The following UBE2U variants were observed in gnomAD, a reference collection of about 807,000 sequenced individuals.
UBE2U encodes the protein ubiquitin-conjugating enzyme E2 U.
In UBE2U, 39 loss-of-function variants were observed where a neutral mutation model predicts 41.2. The ratio of observed to expected loss-of-function variants is 0.95; its 90% CI spans 0.73 to 1.24. The LOEUF (loss-of-function observed/expected upper bound fraction) is 1.24. UBE2U is among the 50% of genes most tolerant of loss of function. The pLI, the probability that UBE2U is intolerant of heterozygous loss-of-function variation, is 0.00. For synonymous variants in UBE2U, 107 were observed against 117.8 expected (o/e 0.91, Z 0.60); for missense variants, 336 against 363.1 (o/e 0.93, Z 0.61).
intron 8 of UBE2U, among the ~76,000 whole-genome samples, chr1:64,242,508 G>A (rs1644852756): frequency 6.6e-6 from 1 of 152,080 alleles, no homozygotes; most frequent in African/African-American, 2.4e-5. Flanking sequence ...TTAACCAAGT[G>A]CCCTCTTTTC....
intron 8 of UBE2U, among the ~76,000 whole-genome samples, chr1:64,256,125 C>A (rs1645086914): frequency 6.6e-6 from 1 of 152,074 alleles, no homozygotes; most frequent in South Asian, 2.1e-4. Context: ...TCAGAGGACA[C>A]AAACAAATGG....
At chr1:64,211,033 A>G (rs1207325962) in intron 4 of UBE2U, among the ~76,000 whole-genome samples, 194 bp downstream of exon 4, 1 of 152,234 alleles carries the variant, frequency 6.6e-6, no homozygotes, top group Non-Finnish European at 1.5e-5. Context: ...TTAAAGTGAA[A>G]TTGATAGTTA....
intron 6 of UBE2U, among the ~76,000 whole-genome samples, chr1:64,221,641 C>T (rs182998427): frequency 9.0e-4 from 137 of 152,284 alleles, no homozygotes; most frequent in African/African-American, 3.2e-3. Context: ...AACACACATA[C>T]GGTTCGGCGG....
At chr1:64,261,624 T>G (rs993320521) in intron 9 of UBE2U, among the ~76,000 whole-genome samples, 1 of 152,294 alleles carries the variant, frequency 6.6e-6, no homozygotes, top group African/African-American at 2.4e-5. Context: ...TTTCCTCCTC[T>G]GTATTATCAG....
At chr1:64,254,735 A>T (rs1019370807) in intron 8 of UBE2U, among the ~76,000 whole-genome samples, 3 of 152,182 alleles carry the variant, frequency 2.0e-5, no homozygotes, top group African/African-American at 7.2e-5. Flanking sequence ...ATAAGAACCA[A>T]GAGATGATGT....
chr1:64,243,109 A>G (rs1282296729), intron 8 of UBE2U, among the ~76,000 whole-genome samples: 1 of 152,176 alleles, frequency 6.6e-6, no homozygotes, highest in African/African-American at 2.4e-5. Context: ...CATTATTTCA[A>G]AGTTACAGGT....
chr1:64,221,753 A>G (rs571341224), intron 6 of UBE2U, among the ~76,000 whole-genome samples: 36 of 152,316 alleles, frequency 2.4e-4, no homozygotes, highest in African/African-American at 8.4e-4. Context: ...ACTTTAGCTC[A>G]TATTTCCTTG....
At chr1:64,254,038 A>G (rs141812137) in intron 8 of UBE2U, among the ~76,000 whole-genome samples, 333 of 152,328 alleles carry the variant, frequency 2.2e-3, no homozygotes, top group African/African-American at 7.7e-3. Flanking sequence ...GTACGGATAC[A>G]CATAGGCTCA....
In UBE2U at chr1:64,209,974, T is replaced by G. The variant is rs1158054703; in HGVS notation, c.242-768T>G. Among the ~76,000 whole-genome samples, 6 of 152,358 alleles carry G rather than the reference T, an allele frequency of 3.9e-5. No homozygotes were observed. The East Asian group carries it at 1.2e-3, about 29-fold the overall frequency. On this transcript the variant is annotated intron_variant, in intron 3 of 9. Transcript: ENST00000371077. The stretch of plus-strand genomic sequence containing the variant: ...GATACAATTGACAGTGCTATCACAT[T>G]GTCCTAGATGTTGCAAATATTTCCT...
Position 64,267,216 on chromosome 1 carries a change from AT to A in UBE2U, c.*10del, listed in dbSNP as rs1393687383. The A allele has an allele frequency of 1.4e-5, 21 of 1,482,788 alleles. No individual in the cohort carries two copies. The African/African-American group carries it at 2.7e-4, about 19-fold the overall frequency. The allele number at this position is 1,482,788 out of a possible 1,614,324, so 91.9% of individuals were successfully genotyped here. On this transcript the variant is annotated 3_prime_UTR_variant, in exon 10 of 10. Transcript: ENST00000371077. Reference sequence around the variant, plus strand: ...AATACTTCAGAAGATTAAGCAGAACATTATCAGATTCAAAAAATAAACAGCC... The same window carrying A: ...AATACTTCAGAAGATTAAGCAGAACATATCAGATTCAAAAAATAAACAGCC...
At chr1:64,245,766 A>G (rs908131744) in intron 8 of UBE2U, among the ~76,000 whole-genome samples, 10 of 152,170 alleles carry the variant, frequency 6.6e-5, no homozygotes, top group African/African-American at 2.2e-4. Context: ...TTGACAGCCC[A>G]AGACCTGATT....
At chr1:64,226,387 G>T (rs1412179785) in intron 6 of UBE2U, among the ~76,000 whole-genome samples, 2 of 152,182 alleles carry the variant, frequency 1.3e-5, no homozygotes, top group Non-Finnish European at 2.9e-5. Flanking sequence ...GGAAGGGGCA[G>T]TAGGAAACTT....
intron 6 of UBE2U, among the ~76,000 whole-genome samples, chr1:64,222,202 T>G (rs930701531): frequency 2.0e-5 from 3 of 152,030 alleles, no homozygotes; most frequent in Non-Finnish European, 4.4e-5. Context: ...TAAGTTGGTA[T>G]TCAATAGAGG....
intron 5 of UBE2U, among the ~76,000 whole-genome samples, chr1:64,218,926 G>A (rs1038583494): frequency 6.6e-6 from 1 of 152,160 alleles, no homozygotes; most frequent in African/African-American, 2.4e-5. Context: ...TGTTTTGGGA[G>A]CCCTCTTTCC....
chr1:64,218,295 G>C (rs1161411016), intron 5 of UBE2U, among the ~76,000 whole-genome samples: 1 of 152,174 alleles, frequency 6.6e-6, no homozygotes, highest in African/African-American at 2.4e-5. Context: ...CAGCAGGGTA[G>C]AGTGTGGATC....
chr1:64,253,269 G>T (rs1330718633), intron 8 of UBE2U, among the ~76,000 whole-genome samples: 2 of 152,140 alleles, frequency 1.3e-5, no homozygotes, highest in Non-Finnish European at 2.9e-5. Flanking sequence ...ATTATGTAGG[G>T]ACACCAAACC....
At chr1:64,236,891 A>C (rs1050523333) in intron 7 of UBE2U, among the ~76,000 whole-genome samples, 42 of 152,164 alleles carry the variant, frequency 2.8e-4, no homozygotes, top group African/African-American at 1.0e-3. Context: ...AAAACTTTCA[A>C]TATAGATGGC....
intron 6 of UBE2U, among the ~76,000 whole-genome samples, chr1:64,226,881 A>G (rs1409738058): frequency 6.6e-6 from 1 of 152,238 alleles, no homozygotes; most frequent in Admixed American, 6.5e-5. Context: ...GCATAGATGC[A>G]TAAACTCTAA....
In UBE2U at chr1:64,208,982, T is replaced by C. The variant is rs190525648; in HGVS notation, c.242-1760T>C. Among the ~76,000 whole-genome samples, 471 of 152,324 alleles carry C rather than the reference T, an allele frequency of 3.1e-3. 5 individuals carry two copies. The highest frequency in any genetic ancestry group is 0.011 in the African/African-American group (456 of 41,574). On this transcript the variant is annotated intron_variant, in intron 3 of 9. Transcript: ENST00000371077. ...ACACACATATGGGTGTGTATACATATATGTGTTTGTGTGTATATTTGTATA... is the reference window on the plus strand; with the variant it reads ...ACACACATATGGGTGTGTATACATACATGTGTTTGTGTGTATATTTGTATA...
Sources: allele counts gnomAD v4.1 joint callset (sites outside exome capture counted in the v4.1 genomes callset), GRCh38; gene constraint gnomAD v4.1.1; transcripts MANE v1.5; gene names NCBI Gene and HGNC (gene_info 2026-07-23, HGNC 2026-07-21).